The following PACS1 variants were observed in gnomAD, a reference collection of about 807,000 sequenced individuals.
PACS1 encodes PACS-1.
Under a neutral mutation model 115.0 loss-of-function variants are expected in PACS1, and 24 were observed. The ratio of observed to expected loss-of-function variants is 0.21; its 90% confidence interval spans 0.15 to 0.29. The LOEUF (loss-of-function observed/expected upper bound fraction) is 0.29, where lower values mean the gene tolerates loss of function less well. PACS1 is among the 10% of genes least tolerant of loss of function. PACS1 has a pLI of 1.00. For missense variants in PACS1, 838 were observed against 1,251.2 expected (o/e 0.67, Z 4.98); for synonymous variants, 453 against 504.5 (o/e 0.90, Z 1.37).
intron 4 of PACS1, among the ~76,000 whole-genome samples, chr11:66,211,587 A>G (rs11227429): frequency 6.6e-6 from 1 of 152,300 alleles, no homozygotes; most frequent in Admixed American, 6.5e-5. Context: ...ACCACATTTC[A>G]TATGCTCTCC....
intron 1 of PACS1, among the ~76,000 whole-genome samples, chr11:66,086,145 T>TC (rs1173151123): frequency 6.7e-6 from 1 of 149,126 alleles, no homozygotes; most frequent in East Asian, 1.9e-4. Flanking sequence ...TTTTTTTTTT[T>TC]TTTTTTTTTT....
At chr11:66,183,776 C>T (rs924531268) in intron 1 of PACS1, among the ~76,000 whole-genome samples, 1 of 152,214 alleles carries the variant, frequency 6.6e-6, no homozygotes, top group African/African-American at 2.4e-5. Flanking sequence ...GAGCAGCACT[C>T]AGTGGCAGTT....
At chr11:66,122,981 C>T (rs777519420) in intron 1 of PACS1, among the ~76,000 whole-genome samples, 17 of 152,268 alleles carry the variant, frequency 1.1e-4, no homozygotes, top group Non-Finnish European at 1.0e-4. Context: ...GGGTAGCATG[C>T]TATCAAATGT....
At chr11:66,167,960 C>T (rs1859645148) in intron 1 of PACS1, among the ~76,000 whole-genome samples, 1 of 150,402 alleles carries the variant, frequency 6.6e-6, no homozygotes, top group South Asian at 2.1e-4. Flanking sequence ...TCAGGAGTGT[C>T]TTACAGTGGT....
chr11:66,185,649 G>C (rs987120639), intron 1 of PACS1, among the ~76,000 whole-genome samples: 3 of 152,210 alleles, frequency 2.0e-5, no homozygotes, highest in Non-Finnish European at 4.4e-5. Context: ...CACTGTAGCA[G>C]AGAGGTAGCT....
intron 1 of PACS1, among the ~76,000 whole-genome samples, chr11:66,165,107 A>G (rs1238344765): frequency 2.0e-5 from 3 of 152,136 alleles, no homozygotes; most frequent in Non-Finnish European, 4.4e-5. Flanking sequence ...CTTTAGTCAA[A>G]TGTTTTTCCT....
chr11:66,128,678 G>A (rs1858632888), intron 1 of PACS1, among the ~76,000 whole-genome samples: 1 of 152,098 alleles, frequency 6.6e-6, no homozygotes, highest in Non-Finnish European at 1.5e-5. Flanking sequence ...GAGGTTAGGA[G>A]TTCGAGACCA....
At chr11:66,222,489 A>G (rs1855373229) in intron 10 of PACS1, among the ~76,000 whole-genome samples, 1 of 151,996 alleles carries the variant, frequency 6.6e-6, no homozygotes, top group Admixed American at 6.6e-5. Flanking sequence ...GCCTGAAGTG[A>G]CCTCAGGCCC....
At chr11:66,079,936 C>T (rs1199448967) in intron 1 of PACS1, among the ~76,000 whole-genome samples, 13 of 152,184 alleles carry the variant, frequency 8.5e-5, no homozygotes, top group African/African-American at 3.1e-4. Flanking sequence ...ATACCCTTTC[C>T]CTGGATCCTT....
At position 66,190,926 on chromosome 11, in the gene PACS1, G is replaced by A. The variant is rs542907335; in HGVS notation, c.357-2560G>A. 2.6e-5 allele frequency among the ~76,000 whole-genome samples: 4 copies of A among 152,304 alleles called. No homozygotes were observed. In the South Asian group the frequency reaches 8.3e-4, roughly 32 times the overall value. ...GGTCACAGGCTGAGGAGGCGGTGAC[G>A]TGATGGGGAAGGGCCAGGCCCTGGG... On this transcript the variant is annotated intron_variant, in intron 1 of 23. Coordinates refer to ENST00000320580, the MANE Select transcript of PACS1 (RefSeq NM_018026.4).
intron 1 of PACS1, among the ~76,000 whole-genome samples, chr11:66,175,787 A>T (rs376158790): frequency 5.9e-5 from 9 of 152,322 alleles, no homozygotes; most frequent in African/African-American, 2.2e-4. Flanking sequence ...TATACTGATC[A>T]TTCAACCCAG....
intron 22 of PACS1, 68 bp downstream of exon 22, chr11:66,241,721 G>T: frequency 7.8e-7 from 1 of 1,283,286 alleles, no homozygotes; most frequent in Non-Finnish European, 1.1e-6. Context: ...TCAGGGCCTG[G>T]GAATAAATCT....
At chr11:66,124,611 G>A (rs1858528395) in intron 1 of PACS1, among the ~76,000 whole-genome samples, 3 of 152,138 alleles carry the variant, frequency 2.0e-5, no homozygotes, top group African/African-American at 7.2e-5. Flanking sequence ...TTAATGACAA[G>A]AACGGTGTAT....
At chr11:66,164,742 C>A (rs968869367) in intron 1 of PACS1, among the ~76,000 whole-genome samples, 1 of 150,644 alleles carries the variant, frequency 6.6e-6, no homozygotes, top group Non-Finnish European at 1.5e-5. Context: ...AGCCACCGCA[C>A]CTGGCCTTCT....
At chr11:66,208,151 A>T (rs1210183735) in intron 2 of PACS1, among the ~76,000 whole-genome samples, 1 of 152,012 alleles carries the variant, frequency 6.6e-6, no homozygotes, top group Non-Finnish European at 1.5e-5. Flanking sequence ...TCAGGGCTCC[A>T]CTTCCTTGGT....
intron 2 of PACS1, among the ~76,000 whole-genome samples, chr11:66,196,721 C>A (rs1418987817): frequency 2.0e-5 from 3 of 152,126 alleles, no homozygotes; most frequent in Non-Finnish European, 1.5e-5. Flanking sequence ...CGTCAGCCTC[C>A]TGAGTAGCTG....
intron 1 of PACS1, among the ~76,000 whole-genome samples, chr11:66,137,698 A>C (rs117478950): frequency 6.6e-6 from 1 of 152,154 alleles, no homozygotes; most frequent in Non-Finnish European, 1.5e-5. Context: ...AATATTGGCC[A>C]TTGTAGGGCT....
intron 1 of PACS1, among the ~76,000 whole-genome samples, chr11:66,079,451 C>G (rs1055615): frequency 0.23 from 34,767 of 151,642 alleles, 4,262 homozygotes; most frequent in East Asian, 0.44. Flanking sequence ...TTTACAAACA[C>G]CAAATGGCTT....
intron 10 of PACS1, among the ~76,000 whole-genome samples, chr11:66,222,817 C>A (rs966269857): frequency 6.6e-6 from 1 of 152,030 alleles, no homozygotes; most frequent in Non-Finnish European, 1.5e-5. Context: ...TCTCTTGGGG[C>A]ATCCCCTGGC....
Sources: gnomAD v4.1 joint callset for allele counts (sites outside exome capture counted in the v4.1 genomes callset) on GRCh38, gnomAD v4.1.1 for gene constraint, MANE v1.5 for transcripts, NCBI Gene and HGNC (gene_info 2026-07-23, HGNC 2026-07-21) for gene names.